DTX2: variants seen among roughly 807,000 people sequenced by gnomAD.
DTX2 encodes the protein deltex E3 ubiquitin ligase 2, also known as probable E3 ubiquitin-protein ligase DTX2.
Under a neutral mutation model 55.3 loss-of-function variants are expected in DTX2, and 29 were observed. The observed-to-expected ratio is 0.52, with a 90% CI of 0.39 to 0.71. The LOEUF (loss-of-function observed/expected upper bound fraction) is 0.71. Ranked by LOEUF, DTX2 falls within the 30% of genes least tolerant of loss-of-function variation. The probability of loss-of-function intolerance (pLI) is 0.00; values close to 1 mark genes in which losing one functional copy is unlikely to be tolerated. For synonymous variants in DTX2, 276 were observed against 340.4 expected (o/e 0.81, Z 2.08); for missense variants, 537 against 822.5 (o/e 0.65, Z 4.25).
chr7:76,481,513 T>C (rs2055836405), intron 3 of DTX2, among the ~76,000 whole-genome samples: 1 of 152,122 alleles, frequency 6.6e-6, no homozygotes, highest in African/African-American at 2.4e-5. Context: ...TCAGTATTAT[T>C]GAGAATGAGG....
chr7:76,499,698 G>A (rs1811422419), intron 6 of DTX2: 1 of 162,330 alleles, frequency 6.2e-6, no homozygotes, highest in South Asian at 1.5e-4. Context: ...GGGCCGCGCC[G>A]ATCCTCACCA....
At chr7:76,498,762 C>T (rs950376597) in intron 6 of DTX2, among the ~76,000 whole-genome samples, 2 of 53,600 alleles carry the variant, frequency 3.7e-5, no homozygotes, top group African/African-American at 2.4e-4. Flanking sequence ...TTCTCGCCAC[C>T]GTGACAGGAT....
At chr7:76,466,701 C>T (rs1345086638) in intron 2 of DTX2, among the ~76,000 whole-genome samples, 3 of 152,242 alleles carry the variant, frequency 2.0e-5, no homozygotes, top group African/African-American at 7.2e-5. Context: ...AAGCTACTCC[C>T]GATTCTCCTG....
chr7:76,468,832 G>A (rs1638096), intron 2 of DTX2, among the ~76,000 whole-genome samples: 21,572 of 129,020 alleles, frequency 0.17, 2,151 homozygotes, highest in Middle Eastern at 0.29. Context: ...GCACAGTCTC[G>A]GCTCACTGCA....
Position 76,482,385 on chromosome 7 carries a change from C to A in DTX2, c.269-123C>A, listed in dbSNP as rs560388357. ...TAACAATAAATAAATAAACAAATAG[C>A]AGCATGACTGTGTACCTACTGTGTT... On this transcript the variant is annotated intron_variant, in intron 3 of 10. Transcript: ENST00000430490. The A allele has an allele frequency of 1.4e-5, 15 of 1,102,200 alleles. No individual in the cohort carries two copies. The African/African-American group carries it at 2.4e-4, about 17-fold the overall frequency. 68.3% of individuals were successfully genotyped at this position (1,102,200 alleles called of 1,614,324 possible).
intron 5 of DTX2, among the ~76,000 whole-genome samples, chr7:76,493,966 C>T (rs897707576): frequency 2.7e-5 from 3 of 112,046 alleles, no homozygotes; most frequent in African/African-American, 6.4e-5. Context: ...AACTGAGGCT[C>T]GGAGAATTTA....
At chr7:76,464,791 C>T (rs1398717577) in intron 2 of DTX2, among the ~76,000 whole-genome samples, 4 of 150,450 alleles carry the variant, frequency 2.7e-5, no homozygotes, top group Admixed American at 2.0e-4. Flanking sequence ...ATACATCATG[C>T]CAGCTTCTTC....
At position 76,482,569 on chromosome 7, in the gene DTX2, C is replaced by T. The variant is rs1181948058; in HGVS notation, c.330C>T (p.Val110=). ...AGCACTCAGCCCCTGGCCGAGGTGTCGTCTGGGAGTGGCTGAGCGACGATG... is the reference window on the plus strand; with the variant it reads ...AGCACTCAGCCCCTGGCCGAGGTGTTGTCTGGGAGTGGCTGAGCGACGATG... ...FPQHSAPGRG[V]VWEWLSDDGS... is the part of the protein sequence containing the mutation. Residue 110 remains valine, a synonymous_variant, in exon 4 of 11, where the codon GTC becomes GTT. Transcript: ENST00000430490. 25 of 1,613,090 alleles carry T rather than the reference C, an allele frequency of 1.5e-5. No individual in the cohort carries two copies. The highest frequency in any genetic ancestry group is 4.5e-5 in the East Asian group (2 of 44,834).
chr7:76,484,082 G>A (rs1199921522), intron 4 of DTX2, among the ~76,000 whole-genome samples: 2 of 133,754 alleles, frequency 1.5e-5, no homozygotes, highest in Non-Finnish European at 3.2e-5. Context: ...AGTGGCTCAC[G>A]CCTGTAGTTC....
intron 2 of DTX2, among the ~76,000 whole-genome samples, chr7:76,468,438 GCCC>G (rs765664461): frequency 0.2 from 20,502 of 102,846 alleles, 147 homozygotes; most frequent in East Asian, 0.29. Flanking sequence ...GCCAAATCTG[GCCC>G]ACTGCCATTT....
chr7:76,467,007 C>G (rs1807259195), intron 2 of DTX2, among the ~76,000 whole-genome samples: 1 of 152,036 alleles, frequency 6.6e-6, no homozygotes, highest in African/African-American at 2.4e-5. Context: ...TTCAATGGAT[C>G]CATCCCCTTC....
intron 6 of DTX2, among the ~76,000 whole-genome samples, chr7:76,499,088 A>G (rs61647172): frequency 0.019 from 34 of 1,832 alleles, no homozygotes; most frequent in East Asian, 0.048. Context: ...TGGAGGTGTG[A>G]GGTGTGTGGA....
chr7:76,488,875 A>AGCGC (rs1810156738), intron 4 of DTX2, among the ~76,000 whole-genome samples: 1 of 84,044 alleles, frequency 1.2e-5, no homozygotes, highest in Non-Finnish European at 2.4e-5. Context: ...TCCAGCCTGG[A>AGCGC]TGACAGAGTG....
At chr7:76,502,583 G>A (rs1358730765) in intron 8 of DTX2, 127 bp downstream of exon 8, 77 of 1,097,126 alleles carry the variant, frequency 7.0e-5, no homozygotes, top group South Asian at 2.3e-4. Flanking sequence ...GGTGCTGGGC[G>A]TGGGGCCAGC....
intron 6 of DTX2, among the ~76,000 whole-genome samples, chr7:76,498,897 A>G (rs1584237542): frequency 4.2e-5 from 1 of 23,814 alleles, no homozygotes. Context: ...GGGTGTATGG[A>G]GGTGTGGAGT....
chr7:76,480,587 C>T lies in DTX2; in HGVS notation c.78C>T (p.Asp26=), dbSNP rs147396948. The T allele has an allele frequency of 5.1e-5, 82 of 1,612,960 alleles. No individual in the cohort carries two copies. The African/African-American group carries it at 8.3e-4, about 16-fold the overall frequency. The change falls in exon 3 of 11, where the codon GAC becomes GAT. Residue 26 remains aspartate, a synonymous_variant. Transcript: ENST00000430490. ...CTGTGGCCGTGTGGGAATGGCAGGA[C>T]GGGCTGGGCACCTGGCACCCCTACA... The part of the protein sequence containing the change: ...PAAVAVWEWQ[D]GLGTWHPYSA...
At chr7:76,489,884 TATTAAAAAAAAAAAAA>T (rs1810239291) in intron 4 of DTX2, among the ~76,000 whole-genome samples, 1 of 136,830 alleles carries the variant, frequency 7.3e-6, no homozygotes, top group South Asian at 2.5e-4. Flanking sequence ...AAAACCCTCA[TATTAAAAAAAAAAAAA>T]ACAACAACCT....
In DTX2 at chr7:76,480,433, C is replaced by T. The variant is rs1473129300; in HGVS notation, c.-77C>T. On this transcript the variant is annotated 5_prime_UTR_variant, in exon 3 of 11. Transcript: ENST00000430490. ...GTCCTGTTCACAGATCTGCCGGAGG[C>T]GCTGGGCAATGACCCCGGGACTCCA... is the stretch of plus-strand genomic sequence containing the variant. 31 of 1,422,028 alleles carry T rather than the reference C, an allele frequency of 2.2e-5. No individual in the cohort carries two copies. The East Asian group carries it at 4.3e-4, about 20-fold the overall frequency. The allele number at this position is 1,422,028 out of a possible 1,614,324, so 88.1% of individuals were successfully genotyped here. A position where few individuals can be genotyped will look rare whatever the true frequency, so the allele number is the denominator to read the frequency against.
In DTX2 at chr7:76,472,306, A is replaced by AGG. The variant is rs1251846002; in HGVS notation, c.-89-8115_-89-8114insGG. Among the ~76,000 whole-genome samples, 38 of 121,414 alleles carry AGG rather than the reference A, an allele frequency of 3.1e-4. 1 individual carries two copies. Among genetic ancestry groups the AGG allele is most frequent in the Non-Finnish European group, 6.5e-4 (37 of 57,032 alleles). 79.7% of individuals were successfully genotyped at this position (121,414 alleles called of 152,430 possible). On this transcript the variant is annotated intron_variant, in intron 2 of 10. Coordinates refer to ENST00000430490, the MANE Select transcript of DTX2 (RefSeq NM_001102594.3). ...TTTGGTTTATATTTATGACCTTTTA[A>AGG]AAGTGTTTGGCATTTTAAGGGAGGT...
Sources: gnomAD v4.1 joint callset for allele counts (sites outside exome capture counted in the v4.1 genomes callset) on GRCh38, gnomAD v4.1.1 for gene constraint, MANE v1.5 for transcripts, NCBI Gene and HGNC (gene_info 2026-07-23, HGNC 2026-07-21) for gene names.